The following TUBA3D variants were observed in gnomAD, a reference collection of about 807,000 sequenced individuals.
TUBA3D encodes tubulin alpha 3d.
In TUBA3D, 24 loss-of-function variants were observed where a neutral mutation model predicts 36.1. That is an observed-to-expected ratio of 0.66 (90% CI 0.48 to 0.93). The LOEUF is 0.93. TUBA3D is among the 40% of genes least tolerant of loss of function. The pLI is 0.00. For synonymous variants in TUBA3D, 185 were observed against 247.2 expected (o/e 0.75, Z 2.36); for missense variants, 356 against 614.5 (o/e 0.58, Z 4.45).
In TUBA3D at chr2:131,482,882, C is replaced by A. The variant is rs1281492821; in HGVS notation, c.*34C>A. 6.3e-7 allele frequency: 1 copy of A among 1,594,858 alleles called. No individual in the cohort carries two copies. Among genetic ancestry groups the A allele is most frequent in the Admixed American group, 1.7e-5 (1 of 58,352 alleles). On this transcript the variant is annotated 3_prime_UTR_variant, in exon 5 of 5. Transcript: ENST00000321253. ...TGTGGTGGGTTCTCCCCTGCCACCC[C>A]CGGGATGGCTGCTTCCAAGTTGTTT...
rs774902043 is a variant in TUBA3D at position 131,479,357 on chromosome 2, G to C, written c.276G>C (p.Leu92=). ...GGCAGCTCTTCCACCCGGAGCAGCT[G>C]ATCACCGGGAAGGAAGATGCAGCCA... The part of the protein sequence containing the change: ...TYRQLFHPEQ[L]ITGKEDAANN... The change falls in exon 3 of 5, where the codon CTG becomes CTC. Residue 92 remains leucine, a synonymous_variant. Transcript: ENST00000321253. 1 of 1,614,158 alleles carries C rather than the reference G, an allele frequency of 6.2e-7. No individual in the cohort carries two copies. The highest frequency in any genetic ancestry group is 1.1e-5 in the South Asian group (1 of 91,084).
chr2:131,480,935 G>C (rs1200008758), intron 4 of TUBA3D, among the ~76,000 whole-genome samples, 186 bp downstream of exon 4: 2 of 149,956 alleles, frequency 1.3e-5, no homozygotes, highest in Non-Finnish European at 3.0e-5. Context: ...AGACAGTCTT[G>C]CTCTGTCAAC....
At position 131,476,150 on chromosome 2, in the gene TUBA3D, A is replaced by G. The variant is rs200462472; in HGVS notation, c.-50A>G. 914 of 1,613,304 alleles carry G rather than the reference A, an allele frequency of 5.7e-4. 10 individuals carry two copies. The East Asian group carries it at 0.018, about 32-fold the overall frequency. On this transcript the variant is annotated 5_prime_UTR_variant, in exon 1 of 5. Transcript: ENST00000321253. ...CAGTTGGGCGCTCAGCAGCTGTGGCAGCCGGTTGAGGTCTGGCAGTAGCGT... is the reference window on the plus strand; with the variant it reads ...CAGTTGGGCGCTCAGCAGCTGTGGCGGCCGGTTGAGGTCTGGCAGTAGCGT...
intron 2 of TUBA3D, chr2:131,478,713 G>C: frequency 2.3e-6 from 1 of 442,298 alleles, no homozygotes; most frequent in Admixed American, 3.9e-5. Flanking sequence ...CCCGAATGCT[G>C]TGCATTCTCT....
At chr2:131,477,694 G>A (rs1352049523) in intron 1 of TUBA3D, among the ~76,000 whole-genome samples, 1 of 151,230 alleles carries the variant, frequency 6.6e-6, no homozygotes, top group Non-Finnish European at 1.5e-5. Context: ...GGTGAATGAT[G>A]GACGGGGTAG....
intron 4 of TUBA3D, among the ~76,000 whole-genome samples, chr2:131,481,636 T>C (rs1431569968): frequency 6.6e-6 from 1 of 152,178 alleles, no homozygotes; most frequent in Non-Finnish European, 1.5e-5. Context: ...GATTTTGCCA[T>C]GTTGGCCAGG....
chr2:131,482,883 C>CG lies in TUBA3D; in HGVS notation c.*38dup, dbSNP rs1678910524. 12 of 1,575,476 alleles carry CG rather than the reference C, an allele frequency of 7.6e-6. No homozygotes were observed. Among genetic ancestry groups the CG allele is most frequent in the Non-Finnish European group, 1.0e-5 (12 of 1,158,188 alleles). Reference sequence around the variant, plus strand: ...GTGGTGGGTTCTCCCCTGCCACCCCCGGGATGGCTGCTTCCAAGTTGTTTG... The same window carrying CG: ...GTGGTGGGTTCTCCCCTGCCACCCCCGGGGATGGCTGCTTCCAAGTTGTTTG... On this transcript the variant is annotated 3_prime_UTR_variant, in exon 5 of 5. Coordinates refer to ENST00000321253, the MANE Select transcript of TUBA3D (RefSeq NM_080386.4).
chr2:131,479,951 T>A, intron 3 of TUBA3D, 118 bp from the exon 4 acceptor site: 1 of 1,386,878 alleles, frequency 7.2e-7, no homozygotes, highest in Non-Finnish European at 9.7e-7. Flanking sequence ...GCATGTTTAT[T>A]ATGGATGATT....
intron 1 of TUBA3D, among the ~76,000 whole-genome samples, chr2:131,477,662 C>A (rs1372515096): frequency 6.6e-6 from 1 of 151,000 alleles, no homozygotes; most frequent in Non-Finnish European, 1.5e-5. Context: ...CAAGGGTCAG[C>A]CTTCGAGAGC....
intron 1 of TUBA3D, among the ~76,000 whole-genome samples, chr2:131,476,674 C>T (rs1316974333): frequency 6.6e-6 from 1 of 152,274 alleles, no homozygotes; most frequent in East Asian, 1.9e-4. Flanking sequence ...CGGCTCACGC[C>T]TGGAATCCCA....
At chr2:131,481,788 A>C (rs1678874027) in intron 4 of TUBA3D, among the ~76,000 whole-genome samples, 1 of 152,026 alleles carries the variant, frequency 6.6e-6, no homozygotes. Flanking sequence ...GGCTGGTCTC[A>C]AACCCCTGGC....
intron 1 of TUBA3D, among the ~76,000 whole-genome samples, chr2:131,477,611 G>A (rs1678716986): frequency 6.6e-6 from 1 of 150,894 alleles, no homozygotes; most frequent in South Asian, 2.1e-4. Flanking sequence ...GACCAAACCA[G>A]CAAGAAGCCA....
intron 1 of TUBA3D, among the ~76,000 whole-genome samples, chr2:131,476,689 T>C (rs1296411411): frequency 2.6e-5 from 4 of 152,020 alleles, no homozygotes; most frequent in African/African-American, 9.7e-5. Flanking sequence ...ATCCCAGCCC[T>C]TGGGGAGGTG....
intron 2 of TUBA3D, 101 bp downstream of exon 2, chr2:131,478,487 G>C: frequency 4.4e-6 from 6 of 1,368,818 alleles, no homozygotes; most frequent in Non-Finnish European, 5.9e-6. Flanking sequence ...GAAAGGATGG[G>C]ATAGACAGGC....
At position 131,476,152 on chromosome 2, in the gene TUBA3D, C is replaced by T; in HGVS notation, c.-48C>T. The T allele has an allele frequency of 5.0e-6, 8 of 1,613,200 alleles. No individual in the cohort carries two copies. Among genetic ancestry groups the T allele is most frequent in the Non-Finnish European group, 6.8e-6 (8 of 1,179,854 alleles). On this transcript the variant is annotated 5_prime_UTR_variant, in exon 1 of 5. Coordinates refer to ENST00000321253, the MANE Select transcript of TUBA3D (RefSeq NM_080386.4). The stretch of plus-strand genomic sequence containing the variant: ...GTTGGGCGCTCAGCAGCTGTGGCAG[C>T]CGGTTGAGGTCTGGCAGTAGCGTTG...
intron 1 of TUBA3D, among the ~76,000 whole-genome samples, chr2:131,476,450 C>G (rs1238640754): frequency 6.6e-6 from 1 of 152,164 alleles, no homozygotes; most frequent in East Asian, 1.9e-4. Flanking sequence ...TGTCCCGTCC[C>G]CCAGAGAGCA....
At chr2:131,482,369 T>C (rs541672527) in intron 4 of TUBA3D, among the ~76,000 whole-genome samples, 183 bp from the exon 5 acceptor site, 1 of 152,308 alleles carries the variant, frequency 6.6e-6, no homozygotes, top group South Asian at 2.1e-4. Flanking sequence ...CAAGGTTCCT[T>C]TCTCTATTCC....
At chr2:131,481,439 T>TTTC (rs1485057412) in intron 4 of TUBA3D, among the ~76,000 whole-genome samples, 1 of 146,830 alleles carries the variant, frequency 6.8e-6, no homozygotes, top group Non-Finnish European at 1.5e-5. Context: ...CGGGTAATTT[T>TTTC]TTTTTTTTTT....
At chr2:131,482,167 G>T (rs2695517) in intron 4 of TUBA3D, among the ~76,000 whole-genome samples, 1 of 152,206 alleles carries the variant, frequency 6.6e-6, no homozygotes, top group Non-Finnish European at 1.5e-5. Context: ...ATAGCATGGG[G>T]AAGAGTTGTG....
Sources: gnomAD v4.1 joint callset for allele counts (sites outside exome capture counted in the v4.1 genomes callset) on GRCh38, gnomAD v4.1.1 for gene constraint, MANE v1.5 for transcripts, NCBI Gene and HGNC (gene_info 2026-07-23, HGNC 2026-07-21) for gene names.